DENND1A: variants seen among roughly 807,000 people sequenced by gnomAD.
DENND1A encodes the protein DENN domain containing 1A.
A neutral mutation model predicts 113.7 loss-of-function variants in DENND1A; 51 were observed. That is an observed-to-expected ratio of 0.45 (90% CI 0.36 to 0.57). The LOEUF (loss-of-function observed/expected upper bound fraction) is 0.57, where lower values mean the gene tolerates loss of function less well. Ranked by LOEUF, DENND1A falls within the 20% of genes least tolerant of loss-of-function variation. The probability of loss-of-function intolerance (pLI) is 0.00; values close to 1 mark genes in which losing one functional copy is unlikely to be tolerated. For synonymous variants in DENND1A, 565 were observed against 570.8 expected, an observed-to-expected ratio of 0.99 and a Z score of 0.14; for missense variants, 1,258 against 1,395.9, an observed-to-expected ratio of 0.90 and a Z score of 1.57.
At chr9:123,810,221 C>T (rs998203636) in intron 2 of DENND1A, among the ~76,000 whole-genome samples, 2 of 152,036 alleles carry the variant, frequency 1.3e-5, no homozygotes, top group African/African-American at 4.8e-5. Flanking sequence ...ATGTTTTGGC[C>T]TCATGGTGTT....
At chr9:123,656,532 G>T (rs2062956486) in intron 8 of DENND1A, among the ~76,000 whole-genome samples, 2 of 152,130 alleles carry the variant, frequency 1.3e-5, no homozygotes, top group Admixed American at 6.5e-5. Flanking sequence ...TTAGACTTGG[G>T]GAGGGAAGGA....
intron 13 of DENND1A, chr9:123,492,688 C>A (rs2051482467): frequency 6.6e-6 from 1 of 152,164 alleles, no homozygotes; most frequent in East Asian, 1.9e-4. Flanking sequence ...ATGGAGCTGG[C>A]AAATCATCTC....
chr9:123,410,892 C>T (rs1588392946), intron 20 of DENND1A, among the ~76,000 whole-genome samples: 1 of 151,882 alleles, frequency 6.6e-6, no homozygotes, highest in African/African-American at 2.4e-5. Flanking sequence ...TGGTTTCCCA[C>T]TTTCAAAGCA....
At chr9:123,611,627 C>A (rs968562541) in intron 10 of DENND1A, among the ~76,000 whole-genome samples, 1 of 152,190 alleles carries the variant, frequency 6.6e-6, no homozygotes, top group African/African-American at 2.4e-5. Flanking sequence ...TCTTATCACC[C>A]TTCCCATCTC....
intron 13 of DENND1A, among the ~76,000 whole-genome samples, chr9:123,473,834 C>G (rs573945888): frequency 6.6e-6 from 1 of 152,136 alleles, no homozygotes. Flanking sequence ...TCTAAGAGAT[C>G]CAGGCCTTGG....
At chr9:123,483,501 C>T (rs2050527060) in intron 13 of DENND1A, among the ~76,000 whole-genome samples, 1 of 152,252 alleles carries the variant, frequency 6.6e-6, no homozygotes, top group Non-Finnish European at 1.5e-5. Context: ...CTATCCAGAA[C>T]ACACAGGCTT....
intron 2 of DENND1A, among the ~76,000 whole-genome samples, chr9:123,870,947 C>G (rs1047498681): frequency 6.6e-6 from 1 of 152,022 alleles, no homozygotes; most frequent in African/African-American, 2.4e-5. Context: ...TGCTGTCATT[C>G]ACTGTCATTA....
chr9:123,384,020 C>T, intron 22 of DENND1A, 107 bp from the exon 23 acceptor site: 1 of 1,449,444 alleles, frequency 6.9e-7, no homozygotes, highest in Non-Finnish European at 9.3e-7. Context: ...ACGCAGGGGC[C>T]TGCGGGACAG....
chr9:123,777,990 T>G (rs80191918), intron 3 of DENND1A, among the ~76,000 whole-genome samples: 328 of 152,266 alleles, frequency 2.2e-3, no homozygotes, highest in African/African-American at 7.0e-3. Flanking sequence ...TAAGGAGGAT[T>G]CAGAACTGAA....
intron 2 of DENND1A, among the ~76,000 whole-genome samples, chr9:123,846,559 A>C (rs148910458): frequency 1.3e-5 from 2 of 152,362 alleles, no homozygotes; most frequent in East Asian, 3.9e-4. Context: ...ACATGAATAA[A>C]GCTTGAAAAC....
chr9:123,744,451 C>T (rs1452675387), intron 5 of DENND1A, among the ~76,000 whole-genome samples: 1 of 152,108 alleles, frequency 6.6e-6, no homozygotes, highest in East Asian at 1.9e-4. Flanking sequence ...TCCATATATC[C>T]GTACTTATAT....
chr9:123,867,244 A>C lies in DENND1A; in HGVS notation c.88+11707T>G, dbSNP rs184057954. On this transcript the variant is annotated intron_variant, in intron 2 of 23. Coordinates refer to ENST00000394215, the MANE Select transcript of DENND1A (RefSeq NM_001352964.2). ...TCAAAAGCTAGAATGTAACTTCCTAAAGGTTTTTTTAAAAAAAGTCTTCTA... is the reference window on the plus strand; with the variant it reads ...TCAAAAGCTAGAATGTAACTTCCTACAGGTTTTTTTAAAAAAAGTCTTCTA... Among the ~76,000 whole-genome samples, 5 of 152,254 alleles carry C rather than the reference A, an allele frequency of 3.3e-5. No individual in the cohort carries two copies. The East Asian group carries it at 5.8e-4, about 18-fold the overall frequency.
At chr9:123,747,361 CA>C (rs1448699007) in intron 5 of DENND1A, among the ~76,000 whole-genome samples, 3 of 152,122 alleles carry the variant, frequency 2.0e-5, no homozygotes, top group Non-Finnish European at 4.4e-5. Flanking sequence ...CACTTTACTT[CA>C]AAGGCATCTG....
chr9:123,641,300 T>C (rs1006223929), intron 9 of DENND1A, among the ~76,000 whole-genome samples: 2 of 152,206 alleles, frequency 1.3e-5, no homozygotes. Context: ...TTTAAAATTC[T>C]GATTCATAAG....
intron 2 of DENND1A, among the ~76,000 whole-genome samples, chr9:123,857,271 A>G (rs1009267236): frequency 1.3e-5 from 2 of 152,254 alleles, no homozygotes; most frequent in African/African-American, 2.4e-5. Flanking sequence ...AAAGAACACA[A>G]GAGCCCTTCA....
chr9:123,681,047 T>C (rs1184545980), intron 5 of DENND1A, among the ~76,000 whole-genome samples: 1 of 152,064 alleles, frequency 6.6e-6, no homozygotes, highest in African/African-American at 2.4e-5. Context: ...GGGCATAGTG[T>C]GCTGGGGCCC....
At chr9:123,457,168 G>C (rs2048187889) in intron 15 of DENND1A, among the ~76,000 whole-genome samples, 180 bp downstream of exon 15, 1 of 152,154 alleles carries the variant, frequency 6.6e-6, no homozygotes, top group South Asian at 2.1e-4. Context: ...ACTTCATATG[G>C]GCCAGGGTGC....
At position 123,577,257 on chromosome 9, in the gene DENND1A, T is replaced by C. The variant is rs995360086; in HGVS notation, c.867+5912A>G. Among the ~76,000 whole-genome samples the C allele has an allele frequency of 5.3e-5, 8 of 152,198 alleles. No individual in the cohort carries two copies. In the South Asian group the frequency reaches 1.7e-3, roughly 32 times the overall value. ...ATGTTTTATTCAGTGGTATCTCATA[T>C]CCTCTTAATCCCATAAGTGATTTTT... On this transcript the variant is annotated intron_variant, in intron 12 of 23. Coordinates refer to ENST00000394215, the MANE Select transcript of DENND1A (RefSeq NM_001352964.2).
intron 3 of DENND1A, among the ~76,000 whole-genome samples, chr9:123,786,548 C>T (rs373898004): frequency 3.0e-4 from 45 of 152,294 alleles, no homozygotes; most frequent in African/African-American, 9.4e-4. Context: ...TTACCTGCTA[C>T]GTTGTCTGGC....
Sources: gnomAD v4.1 joint callset for allele counts (sites outside exome capture counted in the v4.1 genomes callset) on GRCh38, gnomAD v4.1.1 for gene constraint, MANE v1.5 for transcripts, NCBI Gene and HGNC (gene_info 2026-07-23, HGNC 2026-07-21) for gene names.